SLC25A30: variants seen among roughly 807,000 people sequenced by gnomAD.
SLC25A30 encodes the protein kidney mitochondrial carrier protein 1.
Under a neutral mutation model 42.7 loss-of-function variants are expected in SLC25A30, and 29 were observed. The observed-to-expected ratio is 0.68, with a 90% confidence interval of 0.51 to 0.93. The LOEUF is 0.93. SLC25A30 is among the 40% of genes least tolerant of loss of function. SLC25A30 has a pLI of 0.00. For synonymous variants in SLC25A30, 124 were observed against 131.0 expected, an observed-to-expected ratio of 0.95 and a Z score of 0.37; for missense variants, 300 against 359.7, an observed-to-expected ratio of 0.83 and a Z score of 1.34.
At chr13:45,425,899 G>C in the SLC25A30 span, among the ~76,000 whole-genome samples, 25 of 146,874 alleles carry the variant, frequency 1.7e-4, no homozygotes, top group Non-Finnish European at 3.6e-4. Context: ...CATCATGTTG[G>C]CCAGGCTGGT....
At position 45,394,970 on chromosome 13, in the gene SLC25A30, G is replaced by A; in HGVS notation, c.*1004C>T. The A allele has an allele frequency of 2.0e-6, 2 of 985,412 alleles. No individual in the cohort carries two copies. The highest frequency in any genetic ancestry group is 2.4e-6 in the Non-Finnish European group (2 of 829,936). The allele number at this position is 985,412 out of a possible 1,614,324, so 61.0% of individuals were successfully genotyped here. A position where few individuals can be genotyped will look rare whatever the true frequency, so the allele number is the denominator to read the frequency against. ...ATGTACTAAAGCCTGAACTTATACA[G>A]TGTTCTTTCTTCAACAAGACCTTAA... On this transcript the variant is annotated 3_prime_UTR_variant, in exon 10 of 10. Transcript: ENST00000519676.
chr13:45,426,142 A>C, the SLC25A30 span, among the ~76,000 whole-genome samples: 1 of 151,552 alleles, frequency 6.6e-6, no homozygotes, highest in Middle Eastern at 3.2e-3. Flanking sequence ...TCTGGAGTGC[A>C]GTGGCGCCAT....
chr13:45,414,619 AACACACACACAC>A (rs772452713), intron 1 of SLC25A30, among the ~76,000 whole-genome samples: 1 of 110,412 alleles, frequency 9.1e-6, no homozygotes, highest in Non-Finnish European at 1.9e-5. Flanking sequence ...CTTTGTCTCA[AACACACACACAC>A]ACATACACAC....
intron 1 of SLC25A30, chr13:45,411,955 A>G (rs34497470): frequency 0.15 from 20,616 of 140,728 alleles, 1,753 homozygotes; most frequent in African/African-American, 0.2. Context: ...CAAAAAAAAA[A>G]AAAAAAAAGT....
At chr13:45,425,285 T>C in the SLC25A30 span, among the ~76,000 whole-genome samples, 1 of 102,896 alleles carries the variant, frequency 9.7e-6, no homozygotes, top group South Asian at 2.6e-4. Context: ...TATAAATATA[T>C]GTACGTATAT....
chr13:45,426,157 G>T, the SLC25A30 span, among the ~76,000 whole-genome samples: 2 of 151,516 alleles, frequency 1.3e-5, no homozygotes, highest in African/African-American at 4.8e-5. Flanking sequence ...CGCCATCTCG[G>T]CTCACTGCAA....
chr13:45,424,953 A>AATATATATAAGTATATAAAAATATAT, the SLC25A30 span, among the ~76,000 whole-genome samples: 2 of 39,376 alleles, frequency 5.1e-5, no homozygotes, highest in East Asian at 1.2e-3. Context: ...TAAATATATA[A>AATATATATAAGTATATAAAAATATAT]ATAAATATAT....
chr13:45,425,530 A>G, the SLC25A30 span, among the ~76,000 whole-genome samples: 1 of 85,662 alleles, frequency 1.2e-5, no homozygotes, highest in African/African-American at 4.3e-5. Context: ...ATATATAAAT[A>G]TGTATAAGTA....
rs1014795553 is a variant in SLC25A30 at position 45,395,501 on chromosome 13, A to G, written c.*473T>C. On this transcript the variant is annotated 3_prime_UTR_variant, in exon 10 of 10. Transcript: ENST00000519676. Reference sequence around the variant, plus strand: ...GGTTGAACAGTCCAGGTCTCCATACATGAAATTTCTTCAGTTGACAAGGAG... The same window carrying G: ...GGTTGAACAGTCCAGGTCTCCATACGTGAAATTTCTTCAGTTGACAAGGAG... 8 of 1,048,352 alleles carry G rather than the reference A, an allele frequency of 7.6e-6. No individual in the cohort carries two copies. The African/African-American group carries it at 1.2e-4, about 15-fold the overall frequency. 64.9% of individuals were successfully genotyped at this position (1,048,352 alleles called of 1,614,324 possible). A position where few individuals can be genotyped will look rare whatever the true frequency, so the allele number is the denominator to read the frequency against.
chr13:45,424,409 A>G, the SLC25A30 span, among the ~76,000 whole-genome samples: 3 of 65,724 alleles, frequency 4.6e-5, no homozygotes, highest in African/African-American at 6.2e-5. Context: ...ATATATAAAA[A>G]TATATATAAA....
chr13:45,422,226 T>C (rs1435404355), upstream of SLC25A30, among the ~76,000 whole-genome samples: 2 of 152,182 alleles, frequency 1.3e-5, no homozygotes, highest in Admixed American at 6.5e-5. Flanking sequence ...GCAGATAATA[T>C]GGACCTGCGT....
rs796730694 is a variant in SLC25A30, at chr13:45,402,696, AT to A, written c.394-327del. ...GAAAACAGCATACTTCCCTACTACT[AT>A]ATAGGTGAGAGAAAAGTTAATTTCA... On this transcript the variant is annotated intron_variant, in intron 5 of 9. Transcript: ENST00000519676. 6.0e-6 allele frequency: 5 copies of A among 831,850 alleles called. No homozygotes were observed. In the African/African-American group the frequency reaches 9.2e-5, roughly 15 times the overall value. The allele number at this position is 831,850 out of a possible 1,614,324, so 51.5% of individuals were successfully genotyped here. A position where few individuals can be genotyped will look rare whatever the true frequency, so the allele number is the denominator to read the frequency against.
chr13:45,432,127 G>A, the SLC25A30 span, among the ~76,000 whole-genome samples: 10 of 151,640 alleles, frequency 6.6e-5, no homozygotes, highest in Non-Finnish European at 1.5e-4. Flanking sequence ...AAAACAAACC[G>A]GGCATGGTAG....
chr13:45,396,323 T>TGA (rs138488525), intron 9 of SLC25A30: 36,073 of 1,147,560 alleles, frequency 0.031, 841 homozygotes, highest in African/African-American at 0.18. Flanking sequence ...TGTAAGCTTT[T>TGA]GAGAGAGAGA....
chr13:45,410,726 C>T (rs996845545), intron 2 of SLC25A30, among the ~76,000 whole-genome samples: 2 of 152,200 alleles, frequency 1.3e-5, no homozygotes, highest in South Asian at 4.2e-4. Flanking sequence ...GTGGGAGGAC[C>T]GCTTGAGCAC....
At chr13:45,426,583 G>A in the SLC25A30 span, among the ~76,000 whole-genome samples, 3,004 of 152,070 alleles carry the variant, frequency 0.02, 101 homozygotes, top group African/African-American at 0.068. Context: ...GTGCCTTATC[G>A]TTTCCTGAGC....
the SLC25A30 span, among the ~76,000 whole-genome samples, chr13:45,423,847 T>TAA: frequency 1.4e-5 from 1 of 70,480 alleles, no homozygotes; most frequent in African/African-American, 5.5e-5. Flanking sequence ...TATAAATATG[T>TAA]AAATATATAT....
the SLC25A30 span, among the ~76,000 whole-genome samples, chr13:45,429,570 C>T: frequency 6.6e-6 from 1 of 151,996 alleles, no homozygotes; most frequent in African/African-American, 2.4e-5. Context: ...TGGCTCATGG[C>T]TGTAATCCCA....
intron 1 of SLC25A30, chr13:45,411,768 G>A (rs1425018494): frequency 1.1e-5 from 3 of 261,566 alleles, no homozygotes; most frequent in African/African-American, 4.4e-5. Flanking sequence ...GTAGTGCAGC[G>A]GAAGCTGTTC....
Sources: gnomAD v4.1 joint callset for allele counts (sites outside exome capture counted in the v4.1 genomes callset) on GRCh38, gnomAD v4.1.1 for gene constraint, MANE v1.5 for transcripts, NCBI Gene and HGNC (gene_info 2026-07-23, HGNC 2026-07-21) for gene names.